GMEB1: variants seen among roughly 807,000 people sequenced by gnomAD.
The protein encoded by GMEB1 is glucocorticoid modulatory element-binding protein 1.
In GMEB1, 6 loss-of-function variants were observed where a neutral mutation model predicts 52.4. The observed-to-expected ratio is 0.11, with a 90% CI of 0.06 to 0.23. The LOEUF is 0.23. GMEB1 is among the 10% of genes least tolerant of loss of function. The probability of loss-of-function intolerance (pLI) is 1.00; values close to 1 mark genes in which losing one functional copy is unlikely to be tolerated. For missense variants in GMEB1, 486 were observed against 685.6 expected (o/e 0.71, Z 3.25); for synonymous variants, 255 against 244.9 (o/e 1.04, Z -0.38).
chr1:28,705,426 C>T (rs548267898), intron 8 of GMEB1, among the ~76,000 whole-genome samples: 31 of 149,164 alleles, frequency 2.1e-4, no homozygotes, highest in African/African-American at 7.6e-4. Context: ...CATCCTCTCT[C>T]GCGCGATATA....
chr1:28,692,544 A>T (rs991141106), intron 4 of GMEB1, among the ~76,000 whole-genome samples: 8 of 151,910 alleles, frequency 5.3e-5, no homozygotes, highest in Non-Finnish European at 8.8e-5. Context: ...AAAAAAAAAA[A>T]TTATTAGATT....
chr1:28,708,824 CG>C (rs1239728762), intron 8 of GMEB1, among the ~76,000 whole-genome samples: 2 of 151,544 alleles, frequency 1.3e-5, no homozygotes, highest in Non-Finnish European at 2.9e-5. Context: ...GGTGAAATCC[CG>C]TCTCTAATAA....
chr1:28,702,598 G>A (rs565392146), intron 7 of GMEB1, 29 bp downstream of exon 7: 5 of 1,604,648 alleles, frequency 3.1e-6, no homozygotes, highest in Admixed American at 3.4e-5. Context: ...CAGATGTCTT[G>A]CAGGGTCTTG....
At chr1:28,672,699 T>C (rs1668948852) in intron 1 of GMEB1, among the ~76,000 whole-genome samples, 1 of 151,746 alleles carries the variant, frequency 6.6e-6, no homozygotes, top group Non-Finnish European at 1.5e-5. Flanking sequence ...CTACTAATGC[T>C]ATCCCTCCCC....
chr1:28,710,829 A>G (rs1671027085), intron 9 of GMEB1, among the ~76,000 whole-genome samples, 187 bp downstream of exon 9: 1 of 151,940 alleles, frequency 6.6e-6, no homozygotes, highest in African/African-American at 2.4e-5. Flanking sequence ...CAAAGGAAAA[A>G]AAAAGGAAGC....
intron 9 of GMEB1, among the ~76,000 whole-genome samples, chr1:28,712,246 C>T (rs1671089004): frequency 6.6e-6 from 1 of 152,118 alleles, no homozygotes; most frequent in African/African-American, 2.4e-5. Context: ...GAGAGTGGGA[C>T]TTCCATGCAC....
At chr1:28,669,240 TGA>T (rs1491186720) in intron 1 of GMEB1, among the ~76,000 whole-genome samples, 1 of 151,640 alleles carries the variant, frequency 6.6e-6, no homozygotes, top group Non-Finnish European at 1.5e-5. Context: ...GACTCCGGAC[TGA>T]GAGGGCCAGG....
At chr1:28,691,315 A>G (rs1447600050) in intron 3 of GMEB1, among the ~76,000 whole-genome samples, 1 of 152,088 alleles carries the variant, frequency 6.6e-6, no homozygotes, top group Non-Finnish European at 1.5e-5. Context: ...AAAAAAAGAA[A>G]AAAACACCTA....
chr1:28,705,251 G>A (rs1028902869), intron 8 of GMEB1, among the ~76,000 whole-genome samples: 16 of 150,806 alleles, frequency 1.1e-4, no homozygotes, highest in Non-Finnish European at 2.2e-4. Context: ...AAAAAAATTA[G>A]CTGGGTATGG....
At chr1:28,687,024 C>T (rs1669678576) in intron 2 of GMEB1, among the ~76,000 whole-genome samples, 1 of 151,716 alleles carries the variant, frequency 6.6e-6, no homozygotes, top group Admixed American at 6.6e-5. Context: ...GAAAAGCATC[C>T]TAGAGGCTAC....
chr1:28,674,085 G>C (rs1427412539), intron 1 of GMEB1, among the ~76,000 whole-genome samples: 3 of 151,760 alleles, frequency 2.0e-5, no homozygotes, highest in Non-Finnish European at 4.4e-5. Context: ...GGGAGGTGGA[G>C]GTTGCAGTGA....
At chr1:28,706,977 GTTTTTTTTTTTT>G (rs1237383046) in intron 8 of GMEB1, among the ~76,000 whole-genome samples, 1 of 82,770 alleles carries the variant, frequency 1.2e-5, no homozygotes, top group African/African-American at 5.7e-5. Context: ...TCCAGATTTG[GTTTTTTTTTTTT>G]TTTTTTTTTT....
At chr1:28,686,116 G>A (rs753331136) in intron 2 of GMEB1, among the ~76,000 whole-genome samples, 1 of 152,066 alleles carries the variant, frequency 6.6e-6, no homozygotes, top group African/African-American at 2.4e-5. Flanking sequence ...CAAGATGGGA[G>A]GATCACATGA....
At chr1:28,706,324 G>A (rs1023746065) in intron 8 of GMEB1, among the ~76,000 whole-genome samples, 15 of 151,930 alleles carry the variant, frequency 9.9e-5, no homozygotes, top group Non-Finnish European at 2.1e-4. Context: ...GGGGTTATGG[G>A]CCAGGCGTTG....
rs1671341359 is a variant in GMEB1 at position 28,719,099 on chromosome 1, G to A, written c.*4326G>A. ...GGGCTTCTCCAAGTTTCCATCAGAT[G>A]GGATCCAGTGTTGAATCCAGTGCAG... is the stretch of plus-strand genomic sequence containing the variant. On this transcript the variant is annotated 3_prime_UTR_variant, in exon 10 of 10. Transcript: ENST00000373816. The A allele has an allele frequency of 6.6e-6, 1 of 152,210 alleles. No individual in the cohort carries two copies. The highest frequency in any genetic ancestry group is 2.4e-5 in the African/African-American group (1 of 41,454). 9.4% of individuals were successfully genotyped at this position (152,210 alleles called of 1,614,324 possible).
At chr1:28,675,253 G>T (rs996929867) in intron 1 of GMEB1, among the ~76,000 whole-genome samples, 2 of 151,610 alleles carry the variant, frequency 1.3e-5, no homozygotes, top group African/African-American at 4.8e-5. Context: ...TCCTGACCTT[G>T]TGATCCACCT....
At position 28,714,881 on chromosome 1, in the gene GMEB1, A is replaced by G; in HGVS notation, c.*108A>G. 1 of 783,706 alleles carries G rather than the reference A, an allele frequency of 1.3e-6. No individual in the cohort carries two copies. Among genetic ancestry groups the G allele is most frequent in the Non-Finnish European group, 2.0e-6 (1 of 503,014 alleles). 48.5% of individuals were successfully genotyped at this position (783,706 alleles called of 1,614,324 possible). On this transcript the variant is annotated 3_prime_UTR_variant, in exon 10 of 10. Coordinates refer to ENST00000373816, the MANE Select transcript of GMEB1 (RefSeq NM_001319674.2). ...CACATAGGACCCTTTTTTAAAAAAAAAAAAACAAAATCTTATTGTTGTAAC... is the reference window on the plus strand; with the variant it reads ...CACATAGGACCCTTTTTTAAAAAAAGAAAAACAAAATCTTATTGTTGTAAC...
intron 1 of GMEB1, among the ~76,000 whole-genome samples, chr1:28,670,850 T>G (rs1469771787): frequency 6.6e-5 from 10 of 152,172 alleles, no homozygotes; most frequent in Non-Finnish European, 1.5e-4. Context: ...ATATCTTACT[T>G]AAATGATTTT....
intron 2 of GMEB1, among the ~76,000 whole-genome samples, chr1:28,684,343 C>T (rs1327144962): frequency 2.6e-5 from 4 of 152,014 alleles, no homozygotes; most frequent in South Asian, 2.1e-4. Flanking sequence ...GCGCGTGGAT[C>T]ATGAGGTCAG....
Sources: gnomAD v4.1 joint callset for allele counts (sites outside exome capture counted in the v4.1 genomes callset) on GRCh38, gnomAD v4.1.1 for gene constraint, MANE v1.5 for transcripts, NCBI Gene and HGNC (gene_info 2026-07-23, HGNC 2026-07-21) for gene names.